Variants in ASIC4 observed in about 807,000 individuals in gnomAD.
The protein encoded by ASIC4 is acid-sensing ion channel 4.
Under a neutral mutation model 53.4 loss-of-function variants are expected in ASIC4, and 28 were observed. The ratio of observed to expected loss-of-function variants is 0.52; its 90% CI spans 0.39 to 0.72. The LOEUF (loss-of-function observed/expected upper bound fraction) is 0.72. ASIC4 is among the 30% of genes least tolerant of loss of function. The probability of loss-of-function intolerance (pLI) is 0.00; values close to 1 mark genes in which losing one functional copy is unlikely to be tolerated. For synonymous variants in ASIC4, 289 were observed against 301.4 expected, an observed-to-expected ratio of 0.96 and a Z score of 0.43; for missense variants, 649 against 729.7, an observed-to-expected ratio of 0.89 and a Z score of 1.27.
At chr2:219,535,498 G>A (rs1281556368) in intron 6 of ASIC4, among the ~76,000 whole-genome samples, 174 bp downstream of exon 6, 1 of 151,390 alleles carries the variant, frequency 6.6e-6, no homozygotes, top group African/African-American at 2.4e-5. Context: ...GTACATGCAT[G>A]TGTGTGTGTG....
intron 1 of ASIC4, among the ~76,000 whole-genome samples, chr2:219,521,722 T>C (rs1025617233): frequency 2.4e-5 from 1 of 42,222 alleles, no homozygotes; most frequent in African/African-American, 1.7e-4. Flanking sequence ...AGGCTGCCTC[T>C]GAGTTATAAG....
intron 6 of ASIC4, 71 bp downstream of exon 6, chr2:219,535,395 G>C (rs1191068749): frequency 6.8e-7 from 1 of 1,461,670 alleles, no homozygotes; most frequent in Non-Finnish European, 9.2e-7. Context: ...GTGGCTGTGT[G>C]ACTCTGTGTG....
intron 1 of ASIC4, among the ~76,000 whole-genome samples, chr2:219,519,198 G>C (rs370662848): frequency 6.6e-5 from 10 of 152,198 alleles, no homozygotes; most frequent in African/African-American, 2.4e-4. Context: ...TAGGATATTA[G>C]AACCTAAAAA....
rs1694826901 is a variant in ASIC4, at chr2:219,518,161, A to G, written c.582+2855A>G. Among the ~76,000 whole-genome samples the G allele has an allele frequency of 6.6e-6, 1 of 152,144 alleles. No homozygotes were observed. Among genetic ancestry groups the G allele is most frequent in the South Asian group, 2.1e-4 (1 of 4,830 alleles). ...CTCCCTGCTCAGAGCTGTGGAGGAC[A>G]GCAAAGATGGGAAGCCCTGTCCCCA... is the stretch of plus-strand genomic sequence containing the variant. On this transcript the variant is annotated intron_variant, in intron 1 of 9. Coordinates refer to ENST00000358078, the MANE Select transcript of ASIC4 (RefSeq NM_018674.6). The surrounding 1 kb of genome is among the most constrained non-coding windows in gnomAD (Gnocchi z 4.8).
At chr2:219,527,748 A>G (rs1694981968) in intron 1 of ASIC4, among the ~76,000 whole-genome samples, 2 of 152,254 alleles carry the variant, frequency 1.3e-5, no homozygotes, top group Admixed American at 6.5e-5. Context: ...GGTTTCTTGG[A>G]GACTCAAAGG....
intron 1 of ASIC4, among the ~76,000 whole-genome samples, chr2:219,522,191 G>T (rs1260338000): frequency 6.6e-6 from 1 of 152,218 alleles, no homozygotes; most frequent in Non-Finnish European, 1.5e-5. Flanking sequence ...CAGCCGAGGC[G>T]GCAGCAAGAG....
chr2:219,520,433 G>A (rs1694866801), intron 1 of ASIC4, among the ~76,000 whole-genome samples: 1 of 152,096 alleles, frequency 6.6e-6, no homozygotes, highest in African/African-American at 2.4e-5. Flanking sequence ...CTGTCCCAGC[G>A]ACCTCCTTAG....
At chr2:219,533,038 C>T (rs764917022) in intron 5 of ASIC4, 99 bp downstream of exon 5, 4 of 1,320,468 alleles carry the variant, frequency 3.0e-6, no homozygotes, top group Non-Finnish European at 4.4e-6. Flanking sequence ...CCAATCTCTT[C>T]CTGGAGGGTT....
chr2:219,520,164 C>G (rs942149945), intron 1 of ASIC4, among the ~76,000 whole-genome samples: 4 of 152,100 alleles, frequency 2.6e-5, no homozygotes, highest in African/African-American at 9.7e-5. Context: ...TCTCCCTCCC[C>G]CTCCCGACCC....
At chr2:219,534,279 G>GA (rs1458809554) in intron 5 of ASIC4, among the ~76,000 whole-genome samples, 3 of 152,262 alleles carry the variant, frequency 2.0e-5, no homozygotes, top group Non-Finnish European at 4.4e-5. Context: ...TGTCACAGGG[G>GA]TGATTGGAGA....
rs144015036 is a variant in ASIC4 at position 219,537,115 on chromosome 2, G to A, written c.1279G>A (p.Ala427Thr). Residue 427 changes from alanine to threonine, a missense_variant, in exon 7 of 10, where the codon GCC becomes ACC. Ala to Thr is a moderately conservative substitution (Grantham distance 58). Transcript: ENST00000358078. This position sits in a 1 kb window ranked among gnomAD's most constrained non-coding sequence, Gnocchi z 4.9. ...CTTCTTTGAGGCCCTGACCTCTGAA[G>A]CCATGGAGCAGCGAGCAGCCTATGG... ...DVFFEALTSE[A>T]MEQRAAYGLS... 6.0e-4 allele frequency: 966 copies of A among 1,614,040 alleles called. No individual in the cohort carries two copies. Among genetic ancestry groups the A allele is most frequent in the Non-Finnish European group, 7.5e-4 (888 of 1,180,018 alleles).
rs1695072096 is a variant in ASIC4 at position 219,533,149 on chromosome 2, T to TG, written c.1075+216dup. ...ACTTGGGTAAGTGGAGGCAGCAGGG[T>TG]GGGGGGTTGCAGAGAAGCCAGGACT... On this transcript the variant is annotated intron_variant, in intron 5 of 9. Coordinates refer to ENST00000358078, the MANE Select transcript of ASIC4 (RefSeq NM_018674.6). 3 of 613,472 alleles carry TG rather than the reference T, an allele frequency of 4.9e-6. No homozygotes were observed. In the African/African-American group the frequency reaches 5.5e-5, roughly 11 times the overall value. 38.0% of individuals were successfully genotyped at this position (613,472 alleles called of 1,614,324 possible).
intron 1 of ASIC4, among the ~76,000 whole-genome samples, chr2:219,524,227 A>G (rs1694931280): frequency 6.6e-6 from 1 of 152,248 alleles, no homozygotes; most frequent in Non-Finnish European, 1.5e-5. Flanking sequence ...CACCAAGCAC[A>G]CAGTGCCTGA....
chr2:219,520,096 C>A (rs537367702), intron 1 of ASIC4, among the ~76,000 whole-genome samples: 126 of 152,162 alleles, frequency 8.3e-4, no homozygotes, highest in Admixed American at 6.3e-3. Flanking sequence ...CCCCGGGGGG[C>A]CAGGAGCCTG....
chr2:219,514,849 T>C lies in ASIC4; in HGVS notation c.125T>C (p.Leu42Pro). 6.2e-7 allele frequency: 1 copy of C among 1,612,212 alleles called. No homozygotes were observed. The highest frequency in any genetic ancestry group is 8.5e-7 in the Non-Finnish European group (1 of 1,179,804). ...GCCCCTGGAGCAGCCCCCCGAGACCTGGCCACCTTTGCCAGCACCAGCACC... is the reference window on the plus strand; with the variant it reads ...GCCCCTGGAGCAGCCCCCCGAGACCCGGCCACCTTTGCCAGCACCAGCACC... ...AVAPGAAPRD[L>P]ATFASTSTLH... The change falls in exon 1 of 10, where the codon CTG becomes CCG. Residue 42 changes from leucine (L) to proline (P), a missense_variant. Leu to Pro is a moderately conservative substitution (Grantham distance 98, BLOSUM62 -3). Transcript: ENST00000358078.
intron 1 of ASIC4, among the ~76,000 whole-genome samples, chr2:219,524,505 A>C (rs1046688369): frequency 6.6e-6 from 1 of 152,258 alleles, no homozygotes; most frequent in East Asian, 1.9e-4. Flanking sequence ...TAATCTATAT[A>C]AAGTGCTTAG....
intron 1 of ASIC4, among the ~76,000 whole-genome samples, chr2:219,525,343 C>T (rs1340398649): frequency 6.6e-6 from 1 of 152,204 alleles, no homozygotes; most frequent in Non-Finnish European, 1.5e-5. Context: ...CTCTACTTGA[C>T]ACATGAAGAA....
At position 219,537,429 on chromosome 2, in the gene ASIC4, G is replaced by A; in HGVS notation, c.1401+108G>A. ...GGCCTGGCTGGAAAGTCAGGTTCAG[G>A]GTTCTCTGCCAGGGTCCCCTGACTG... On this transcript the variant is annotated intron_variant, in intron 8 of 9. Transcript: ENST00000358078. This position sits in a 1 kb window ranked among gnomAD's most constrained non-coding sequence, Gnocchi z 4.9. 1 of 1,340,864 alleles carries A rather than the reference G, an allele frequency of 7.5e-7. No homozygotes were observed. The highest frequency in any genetic ancestry group is 1.0e-6 in the Non-Finnish European group (1 of 964,732). 83.1% of individuals were successfully genotyped at this position (1,340,864 alleles called of 1,614,324 possible). A position where few individuals can be genotyped will look rare whatever the true frequency, so the allele number is the denominator to read the frequency against.
rs115907794 is a variant in ASIC4, at chr2:219,526,991, G to T, written c.583-4767G>T. The stretch of plus-strand genomic sequence containing the variant: ...CCCCTCTGCCATCAGGACACTCCCT[G>T]GCCCACGACCTTCCCCTTTCCGTGA... On this transcript the variant is annotated intron_variant, in intron 1 of 9. Coordinates refer to ENST00000358078, the MANE Select transcript of ASIC4 (RefSeq NM_018674.6). Among the ~76,000 whole-genome samples, 704 of 152,290 alleles carry T rather than the reference G, an allele frequency of 4.6e-3. 5 individuals are homozygous for T. Among genetic ancestry groups the T allele is most frequent in the African/African-American group, 0.016 (657 of 41,554 alleles).
Sources: gnomAD v4.1 joint callset for allele counts (sites outside exome capture counted in the v4.1 genomes callset) on GRCh38, gnomAD v4.1.1 for gene constraint, Gnocchi (gnomAD v3.1) non-coding constraint, MANE v1.5 for transcripts, NCBI Gene and HGNC (gene_info 2026-07-23, HGNC 2026-07-21) for gene names.